Variants in OTUD7A observed in about 807,000 individuals in gnomAD.
The protein encoded by OTUD7A is OTU deubiquitinase 7A, also known as OTU domain-containing protein 7A.
Under a neutral mutation model 65.7 loss-of-function variants are expected in OTUD7A, and 12 were observed. The observed-to-expected ratio is 0.18, with a 90% CI of 0.12 to 0.30. OTUD7A has a LOEUF of 0.30. Among genes scored for constraint, OTUD7A ranks in the 10% least tolerant of loss-of-function variants. The pLI is 1.00. For synonymous variants in OTUD7A, 641 were observed against 586.3 expected (o/e 1.09, Z -1.35); for missense variants, 1,148 against 1,304.8 (o/e 0.88, Z 1.85).
At chr15:31,539,030 C>A (rs1595594539) in intron 5 of OTUD7A, among the ~76,000 whole-genome samples, 1 of 152,274 alleles carries the variant, frequency 6.6e-6, no homozygotes, top group South Asian at 2.1e-4. Context: ...CCTCTGCCAC[C>A]GGTTCTGGGG....
chr15:31,684,134 CA>C (rs1892783381), intron 1 of OTUD7A, among the ~76,000 whole-genome samples: 1 of 152,216 alleles, frequency 6.6e-6, no homozygotes, highest in Admixed American at 6.5e-5. Flanking sequence ...ATTGTCTCCA[CA>C]AATAAGGTGC....
chr15:31,577,933 AAAGT>A (rs1318276523), intron 3 of OTUD7A, among the ~76,000 whole-genome samples: 1 of 152,180 alleles, frequency 6.6e-6, no homozygotes, highest in African/African-American at 2.4e-5. Flanking sequence ...GAAACTCTGA[AAAGT>A]AAGTACAAAG....
Position 31,643,852 on chromosome 15 carries a change from T to C in OTUD7A, c.151+11244A>G, listed in dbSNP as rs1320854385. 3.3e-5 allele frequency among the ~76,000 whole-genome samples: 5 copies of C among 151,840 alleles called. No homozygotes were observed. In the East Asian group the frequency reaches 7.7e-4, roughly 23 times the overall value. On this transcript the variant is annotated intron_variant, in intron 3 of 12. Transcript: ENST00000307050. ...CTAGGCAGATAGTTAGGGCAGAGAG[T>C]CCTTGGCAGAACTTCCCTTCTAACA... is the stretch of plus-strand genomic sequence containing the variant.
intron 1 of OTUD7A, among the ~76,000 whole-genome samples, chr15:31,659,176 A>G (rs1892087144): frequency 6.6e-6 from 1 of 152,210 alleles, no homozygotes. Flanking sequence ...AAGGCAATAA[A>G]ACGGGTAGAT....
intron 1 of OTUD7A, chr15:31,767,783 A>G: frequency 1.4e-6 from 1 of 721,658 alleles, no homozygotes; most frequent in Non-Finnish European, 2.5e-6. Context: ...TCTACGAGAT[A>G]AGTTTTGTAA....
chr15:31,860,677 G>GTGAATATATATATATATA (rs560896384), intron 1 of OTUD7A, among the ~76,000 whole-genome samples: 14 of 73,284 alleles, frequency 1.9e-4, no homozygotes, highest in Non-Finnish European at 2.4e-4. Context: ...ATGTATGTGT[G>GTGAATATATATATATATA]TATATATATA....
intron 1 of OTUD7A, among the ~76,000 whole-genome samples, chr15:31,813,470 C>A (rs1031363256): frequency 2.0e-5 from 3 of 152,176 alleles, no homozygotes; most frequent in African/African-American, 7.2e-5. Context: ...ATGCCACATT[C>A]GTGTCTTACC....
chr15:31,766,961 T>A, intron 1 of OTUD7A: 1 of 1,611,830 alleles, frequency 6.2e-7, no homozygotes, highest in South Asian at 1.1e-5. Context: ...TCACGCATAC[T>A]ACTTAACCCT....
intron 8 of OTUD7A, among the ~76,000 whole-genome samples, chr15:31,509,607 T>C (rs1440087663): frequency 1.3e-5 from 2 of 152,148 alleles, no homozygotes; most frequent in Non-Finnish European, 2.9e-5. Flanking sequence ...AAAATTTTTT[T>C]AACCTTTTAA....
intron 1 of OTUD7A, among the ~76,000 whole-genome samples, chr15:31,833,746 T>C (rs998736564): frequency 7.9e-5 from 12 of 152,260 alleles, no homozygotes; most frequent in Non-Finnish European, 1.5e-4. Context: ...ATCGAATTCC[T>C]CACTTCAGTA....
chr15:31,697,227 C>T (rs1489761809), intron 1 of OTUD7A, among the ~76,000 whole-genome samples: 30 of 102,750 alleles, frequency 2.9e-4, no homozygotes, highest in African/African-American at 7.8e-4. Flanking sequence ...CTCCCCTCCA[C>T]CTGCCTCCTT....
chr15:31,759,069 T>G (rs1161499492), intron 1 of OTUD7A, among the ~76,000 whole-genome samples: 1 of 152,158 alleles, frequency 6.6e-6, no homozygotes, highest in African/African-American at 2.4e-5. Flanking sequence ...GCTCTAAGAT[T>G]GCTATAACCC....
Position 31,511,309 on chromosome 15 carries a change from T to C in OTUD7A, c.894-7491A>G, listed in dbSNP as rs1330615252. On this transcript the variant is annotated intron_variant, in intron 8 of 12. Transcript: ENST00000307050. ...TGTATATCTATATGTAACACACATATATATGTATATCTATATGTAACACAC... is the reference window on the plus strand; with the variant it reads ...TGTATATCTATATGTAACACACATACATATGTATATCTATATGTAACACAC... Among the ~76,000 whole-genome samples, 7 of 3,396 alleles carry C rather than the reference T, an allele frequency of 2.1e-3. 1 individual carries two copies. The highest frequency in any genetic ancestry group is 3.0e-3 in the Non-Finnish European group (7 of 2,366). 2.2% of individuals were successfully genotyped at this position (3,396 alleles called of 152,430 possible).
rs530244461 is a variant in OTUD7A at position 31,766,022 on chromosome 15, T to C, written c.-100+104485A>G. ...CCTGAGCACTAATCTGCTTACCGTATGAGTAAGTTGGCAAAGGAGCAAATA... is the reference window on the plus strand; with the variant it reads ...CCTGAGCACTAATCTGCTTACCGTACGAGTAAGTTGGCAAAGGAGCAAATA... On this transcript the variant is annotated intron_variant, in intron 1 of 12. Transcript: ENST00000307050. 32 of 1,555,666 alleles carry C rather than the reference T, an allele frequency of 2.1e-5. No homozygotes were observed. The South Asian group carries it at 3.1e-4, about 15-fold the overall frequency.
intron 8 of OTUD7A, among the ~76,000 whole-genome samples, chr15:31,504,553 A>G (rs1236115838): frequency 6.6e-6 from 1 of 152,230 alleles, no homozygotes; most frequent in Non-Finnish European, 1.5e-5. Flanking sequence ...CGTTGAGAGG[A>G]CAGCCAGAGC....
In OTUD7A at chr15:31,723,087, G is replaced by C. The variant is rs1005795915; in HGVS notation, c.-99-66010C>G. Reference sequence around the variant, plus strand: ...CCATGGGGCAGAAGTCAGGAGAGTGGAAGATAGGATGCAGGAGGGCAAGGA... The same window carrying C: ...CCATGGGGCAGAAGTCAGGAGAGTGCAAGATAGGATGCAGGAGGGCAAGGA... On this transcript the variant is annotated intron_variant, in intron 1 of 12. Transcript: ENST00000307050. Among the ~76,000 whole-genome samples the C allele has an allele frequency of 6.1e-4, 93 of 152,184 alleles. 1 individual carries two copies. Among genetic ancestry groups the C allele is most frequent in the Non-Finnish European group, 1.0e-3 (68 of 68,024 alleles).
chr15:31,621,217 G>A (rs1297785687), intron 3 of OTUD7A, among the ~76,000 whole-genome samples: 2 of 151,928 alleles, frequency 1.3e-5, no homozygotes, highest in Non-Finnish European at 2.9e-5. Flanking sequence ...TAAGTGTGAC[G>A]TGGTGCTGAG....
chr15:31,520,294 A>T (rs1284644096), intron 8 of OTUD7A, among the ~76,000 whole-genome samples: 1 of 152,246 alleles, frequency 6.6e-6, no homozygotes, highest in African/African-American at 2.4e-5. Context: ...ACAGACACAT[A>T]GATCAATGGA....
intron 1 of OTUD7A, among the ~76,000 whole-genome samples, chr15:31,684,082 T>A (rs1398254376): frequency 6.6e-6 from 1 of 152,186 alleles, no homozygotes; most frequent in Non-Finnish European, 1.5e-5. Context: ...AAGAAAACGA[T>A]TTTGCTACTG....
Sources: gnomAD v4.1 joint callset for allele counts (sites outside exome capture counted in the v4.1 genomes callset) on GRCh38, gnomAD v4.1.1 for gene constraint, MANE v1.5 for transcripts, NCBI Gene and HGNC (gene_info 2026-07-23, HGNC 2026-07-21) for gene names.